Variants in PLA2G4A observed in about 807,000 individuals in gnomAD.
PLA2G4A encodes the protein cytosolic phospholipase A2.
In PLA2G4A, 40 loss-of-function variants were observed where a neutral mutation model predicts 81.9. That is an observed-to-expected ratio of 0.49 (90% CI 0.38 to 0.64). The LOEUF (loss-of-function observed/expected upper bound fraction) is 0.64. Among genes scored for constraint, PLA2G4A ranks in the 30% least tolerant of loss-of-function variants. The pLI is 0.00. For synonymous variants in PLA2G4A, 302 were observed against 296.9 expected, an observed-to-expected ratio of 1.02 and a Z score of -0.18; for missense variants, 715 against 905.1, an observed-to-expected ratio of 0.79 and a Z score of 2.69.
At chr1:186,972,790 T>C (rs1156803411) in intron 15 of PLA2G4A, among the ~76,000 whole-genome samples, 2 of 152,134 alleles carry the variant, frequency 1.3e-5, no homozygotes, top group Non-Finnish European at 2.9e-5. Flanking sequence ...TCTTCACAAA[T>C]GATGGAAGTA....
At chr1:186,890,817 C>T (rs1212120389) in intron 3 of PLA2G4A, among the ~76,000 whole-genome samples, 1 of 146,810 alleles carries the variant, frequency 6.8e-6, no homozygotes, top group Non-Finnish European at 1.5e-5. Context: ...TGTGCCACTG[C>T]ACTCCAGCCT....
At chr1:186,888,035 C>A (rs1045758547) in intron 3 of PLA2G4A, among the ~76,000 whole-genome samples, 6 of 152,174 alleles carry the variant, frequency 3.9e-5, no homozygotes, top group Non-Finnish European at 8.8e-5. Context: ...GTCCAGCATC[C>A]TTTGACATCT....
intron 13 of PLA2G4A, among the ~76,000 whole-genome samples, chr1:186,955,648 C>T (rs987182697): frequency 1.3e-5 from 2 of 150,478 alleles, no homozygotes; most frequent in Non-Finnish European, 3.0e-5. Context: ...TGATTAACTG[C>T]AATATTAATT....
chr1:186,962,946 A>G (rs1252668552), intron 14 of PLA2G4A, among the ~76,000 whole-genome samples: 1 of 152,098 alleles, frequency 6.6e-6, no homozygotes, highest in African/African-American at 2.4e-5. Flanking sequence ...TGGAATCTTG[A>G]CTCTCACTAT....
intron 7 of PLA2G4A, among the ~76,000 whole-genome samples, chr1:186,924,988 C>T (rs745478328): frequency 4.0e-5 from 6 of 151,510 alleles, no homozygotes; most frequent in East Asian, 4.0e-4. Context: ...GTAGAGGCTG[C>T]GGTGAGCCAA....
At chr1:186,943,365 C>A (rs753741376) in intron 10 of PLA2G4A, among the ~76,000 whole-genome samples, 1 of 152,300 alleles carries the variant, frequency 6.6e-6, no homozygotes, top group South Asian at 2.1e-4. Context: ...GAATAAACTG[C>A]ATTTATGGAT....
chr1:186,936,579 A>T lies in PLA2G4A; in HGVS notation c.696-2429A>T, dbSNP rs1217374165. 2.0e-5 allele frequency among the ~76,000 whole-genome samples: 3 copies of T among 152,082 alleles called. No individual in the cohort carries two copies. The East Asian group carries it at 5.8e-4, about 29-fold the overall frequency. On this transcript the variant is annotated intron_variant, in intron 8 of 17. Coordinates refer to ENST00000367466, the MANE Select transcript of PLA2G4A (RefSeq NM_024420.3). ...CAAATCTTAGTTGCAGATGAGAATC[A>T]CTTCTGCTCTTTTTTAAGCACAAAA...
intron 3 of PLA2G4A, among the ~76,000 whole-genome samples, chr1:186,880,008 G>A (rs1653669591): frequency 6.6e-6 from 1 of 151,678 alleles, no homozygotes; most frequent in African/African-American, 2.4e-5. Context: ...CCCCACAACA[G>A]GCCCTGTGTA....
intron 6 of PLA2G4A, among the ~76,000 whole-genome samples, chr1:186,908,588 T>A (rs12720555): frequency 0.022 from 3,318 of 152,212 alleles, 128 homozygotes; most frequent in African/African-American, 0.076. Flanking sequence ...TACCACATGT[T>A]AATAATGGTG....
chr1:186,854,441 T>C (rs374011500), intron 2 of PLA2G4A, 54 bp downstream of exon 2: 3 of 1,142,828 alleles, frequency 2.6e-6, no homozygotes, highest in South Asian at 1.2e-5. Context: ...GATATGTTTC[T>C]GTGAATATTG....
At chr1:186,912,776 ATG>A (rs1475338794) in intron 7 of PLA2G4A, among the ~76,000 whole-genome samples, 14 of 137,692 alleles carry the variant, frequency 1.0e-4, no homozygotes, top group African/African-American at 2.9e-4. Flanking sequence ...GTATATATAT[ATG>A]TATACTTATA....
intron 3 of PLA2G4A, among the ~76,000 whole-genome samples, chr1:186,884,368 A>G (rs1020539536): frequency 1.3e-5 from 2 of 151,418 alleles, no homozygotes; most frequent in Admixed American, 6.6e-5. Flanking sequence ...AGCCATGTGG[A>G]GAATGGTGGG....
At chr1:186,847,359 T>C (rs1652214635) in intron 1 of PLA2G4A, among the ~76,000 whole-genome samples, 1 of 75,230 alleles carries the variant, frequency 1.3e-5, no homozygotes. Context: ...ATTTCATACG[T>C]GTGTGTGTGT....
At chr1:186,843,539 A>T (rs983085877) in intron 1 of PLA2G4A, among the ~76,000 whole-genome samples, 1 of 152,244 alleles carries the variant, frequency 6.6e-6, no homozygotes, top group African/African-American at 2.4e-5. Flanking sequence ...GAAGACTGAC[A>T]CGTGTATAAT....
At chr1:186,929,421 A>T (rs1034455314) in intron 7 of PLA2G4A, among the ~76,000 whole-genome samples, 13 of 152,222 alleles carry the variant, frequency 8.5e-5, no homozygotes, top group African/African-American at 3.1e-4. Flanking sequence ...TTTATAGTTC[A>T]TAGTTACAAT....
intron 3 of PLA2G4A, among the ~76,000 whole-genome samples, chr1:186,876,668 CT>C (rs1653513111): frequency 6.6e-6 from 1 of 152,144 alleles, no homozygotes; most frequent in Admixed American, 6.6e-5. Flanking sequence ...TCAGAGCAGT[CT>C]TCCCCAGCGA....
chr1:186,837,196 T>C (rs1651806959), intron 1 of PLA2G4A, among the ~76,000 whole-genome samples: 1 of 152,108 alleles, frequency 6.6e-6, no homozygotes, highest in African/African-American at 2.4e-5. Context: ...TGAATGATCT[T>C]GATTAGTGCA....
intron 3 of PLA2G4A, among the ~76,000 whole-genome samples, chr1:186,891,289 G>A (rs1471299406): frequency 2.6e-5 from 4 of 152,036 alleles, no homozygotes; most frequent in Admixed American, 2.6e-4. Flanking sequence ...AAGCATTTAT[G>A]ATTTGTTGCA....
At chr1:186,916,132 T>C (rs190115411) in intron 7 of PLA2G4A, among the ~76,000 whole-genome samples, 1 of 151,272 alleles carries the variant, frequency 6.6e-6, no homozygotes, top group East Asian at 2.0e-4. Flanking sequence ...TAGTTCATCA[T>C]AGAAAGTTTG....
Sources: gnomAD v4.1 joint callset for allele counts (sites outside exome capture counted in the v4.1 genomes callset) on GRCh38, gnomAD v4.1.1 for gene constraint, MANE v1.5 for transcripts, NCBI Gene and HGNC (gene_info 2026-07-23, HGNC 2026-07-21) for gene names.